HTR4: variants seen among roughly 807,000 people sequenced by gnomAD.
The protein encoded by HTR4 is 5-hydroxytryptamine receptor 4.
Under a neutral mutation model 36.8 loss-of-function variants are expected in HTR4, and 16 were observed. The observed-to-expected ratio is 0.43, with a 90% CI of 0.29 to 0.66. The LOEUF is 0.66. Among genes scored for constraint, HTR4 ranks in the 30% least tolerant of loss-of-function variants. HTR4 has a pLI of 0.13. For synonymous variants in HTR4, 189 were observed against 185.1 expected (o/e 1.02, Z -0.17); for missense variants, 438 against 490.9 (o/e 0.89, Z 1.02).
At chr5:148,483,543 C>T (rs567069156) in intron 6 of HTR4, among the ~76,000 whole-genome samples, 10 of 152,338 alleles carry the variant, frequency 6.6e-5, no homozygotes, top group South Asian at 2.1e-4. Flanking sequence ...GGACCTATTA[C>T]GCCTATCAGG....
At chr5:148,569,652 T>C (rs910304447) in intron 2 of HTR4, among the ~76,000 whole-genome samples, 9 of 151,814 alleles carry the variant, frequency 5.9e-5, no homozygotes, top group Non-Finnish European at 1.3e-4. Context: ...AATAATATAA[T>C]GTATCCAAAA....
chr5:148,482,538 C>G lies in HTR4; in HGVS notation c.*665G>C. ...TGTCTTCCATGGAAAATAAATGGAG[C>G]ATGTCCTGAAGAGGAGGACAGACAT... On this transcript the variant is annotated 3_prime_UTR_variant, in exon 7 of 7. Transcript: ENST00000377888. 1 of 985,678 alleles carries G rather than the reference C, an allele frequency of 1.0e-6. No individual in the cohort carries two copies. The highest frequency in any genetic ancestry group is 1.7e-5 in the African/African-American group (1 of 57,350). The allele number at this position is 985,678 out of a possible 1,614,324, so 61.1% of individuals were successfully genotyped here. A position where few individuals can be genotyped will look rare whatever the true frequency, so the allele number is the denominator to read the frequency against.
chr5:148,599,633 C>G (rs1018253647), intron 2 of HTR4, among the ~76,000 whole-genome samples: 12 of 151,808 alleles, frequency 7.9e-5, no homozygotes, highest in African/African-American at 2.7e-4. Flanking sequence ...TAAGAGTTCT[C>G]TTTACGAAGA....
intron 2 of HTR4, among the ~76,000 whole-genome samples, chr5:148,565,228 A>C (rs1474566032): frequency 6.6e-6 from 1 of 152,176 alleles, no homozygotes; most frequent in East Asian, 1.9e-4. Flanking sequence ...GTTCATTTCA[A>C]ATAGACACAA....
intron 5 of HTR4, among the ~76,000 whole-genome samples, chr5:148,459,088 C>A (rs1755199265): frequency 6.6e-6 from 1 of 152,120 alleles, no homozygotes; most frequent in Non-Finnish European, 1.5e-5. Context: ...CAGGATATAG[C>A]TTCAAGGTAG....
intron 2 of HTR4, among the ~76,000 whole-genome samples, chr5:148,625,990 CCT>C (rs1753089826): frequency 6.6e-6 from 1 of 152,038 alleles, no homozygotes; most frequent in Admixed American, 6.6e-5. Context: ...AGCCTATTCC[CCT>C]CTTACTAGTG....
intron 4 of HTR4, 74 bp downstream of exon 4, chr5:148,548,594 G>A: frequency 8.6e-7 from 1 of 1,168,758 alleles, no homozygotes; most frequent in Non-Finnish European, 1.2e-6. Context: ...ATAAGAAAAG[G>A]CAGACACTGC....
chr5:148,470,068 A>C (rs1027838247), intron 5 of HTR4, among the ~76,000 whole-genome samples: 43 of 152,220 alleles, frequency 2.8e-4, no homozygotes. Flanking sequence ...GATGGTGATG[A>C]CAACAGCAAT....
At chr5:148,597,759 C>A (rs1193468233) in intron 2 of HTR4, among the ~76,000 whole-genome samples, 2 of 152,202 alleles carry the variant, frequency 1.3e-5, no homozygotes, top group African/African-American at 2.4e-5. Context: ...GAATCAATTT[C>A]TTTTCCTGCA....
At chr5:148,523,091 A>G (rs1358280581) in intron 5 of HTR4, 102 bp downstream of exon 5, 1 of 1,150,306 alleles carries the variant, frequency 8.7e-7, no homozygotes, top group Non-Finnish European at 1.2e-6. Context: ...CCAGACCACT[A>G]TCAGATTCTT....
chr5:148,532,697 T>C (rs1351219372), intron 4 of HTR4, among the ~76,000 whole-genome samples: 2 of 152,234 alleles, frequency 1.3e-5, no homozygotes, highest in Non-Finnish European at 2.9e-5. Flanking sequence ...TATATCTATA[T>C]AGCCCTATAA....
intron 5 of HTR4, among the ~76,000 whole-genome samples, chr5:148,518,493 G>C (rs1757865634): frequency 6.6e-6 from 1 of 152,118 alleles, no homozygotes; most frequent in African/African-American, 2.4e-5. Context: ...TCACTTGCCA[G>C]GATAATTGTA....
intron 2 of HTR4, among the ~76,000 whole-genome samples, chr5:148,630,620 A>G (rs1272510147): frequency 6.6e-6 from 1 of 152,144 alleles, no homozygotes; most frequent in African/African-American, 2.4e-5. Context: ...ATGGATACTA[A>G]ATTGAAACAA....
intron 4 of HTR4, among the ~76,000 whole-genome samples, chr5:148,542,872 G>A (rs1340730177): frequency 6.6e-6 from 1 of 152,086 alleles, no homozygotes. Flanking sequence ...AAGGGGAACT[G>A]GTATCTCCTC....
chr5:148,476,491 T>G (rs892489257), downstream of HTR4: 1 of 1,077,838 alleles, frequency 9.3e-7, no homozygotes. Flanking sequence ...CAGAAAGAGT[T>G]TTCTCTTATC....
At chr5:148,535,905 A>C (rs1231229457) in intron 4 of HTR4, among the ~76,000 whole-genome samples, 2 of 152,156 alleles carry the variant, frequency 1.3e-5, no homozygotes, top group East Asian at 3.8e-4. Flanking sequence ...GATTCTACAC[A>C]AGAAGACCAT....
At chr5:148,471,914 T>C (rs1755576808), downstream of HTR4, among the ~76,000 whole-genome samples, 2 of 152,190 alleles carry the variant, frequency 1.3e-5, no homozygotes, top group Non-Finnish European at 2.9e-5. Context: ...GTAGTTTACC[T>C]TTGATGAGAA....
At chr5:148,621,965 C>T (rs189006073) in intron 2 of HTR4, among the ~76,000 whole-genome samples, 1 of 152,312 alleles carries the variant, frequency 6.6e-6, no homozygotes, top group East Asian at 1.9e-4. Context: ...TGGATCCCAG[C>T]TCTGGGCTCT....
At chr5:148,579,010 C>T (rs886197455) in intron 2 of HTR4, among the ~76,000 whole-genome samples, 2 of 151,984 alleles carry the variant, frequency 1.3e-5, no homozygotes, top group Non-Finnish European at 2.9e-5. Flanking sequence ...TGTAGCAATG[C>T]CCAGTCTTTT....
Sources: allele counts gnomAD v4.1 joint callset (sites outside exome capture counted in the v4.1 genomes callset), GRCh38; gene constraint gnomAD v4.1.1; transcripts MANE v1.5; gene names NCBI Gene and HGNC (gene_info 2026-07-23, HGNC 2026-07-21).